BRDT: variants seen among roughly 807,000 people sequenced by gnomAD.
The protein encoded by BRDT is bromodomain testis associated, also known as bromodomain testis-specific protein.
BRDT carries 77 observed loss-of-function variants against 113.9 expected under a neutral mutation model. The ratio of observed to expected loss-of-function variants is 0.68; its 90% confidence interval spans 0.56 to 0.82. BRDT has a LOEUF of 0.82. BRDT is among the 40% of genes least tolerant of loss of function. BRDT has a pLI of 0.00. For synonymous variants in BRDT, 358 were observed against 366.5 expected, an observed-to-expected ratio of 0.98 and a Z score of 0.26; for missense variants, 1,027 against 1,105.4, an observed-to-expected ratio of 0.93 and a Z score of 1.01.
At chr1:92,000,309 A>G (rs1444160509) in intron 15 of BRDT, among the ~76,000 whole-genome samples, 1 of 152,208 alleles carries the variant, frequency 6.6e-6, no homozygotes, top group East Asian at 1.9e-4. Flanking sequence ...TCCTTCCTAA[A>G]TAATCACTGA....
At chr1:91,996,438 G>A (rs759318075) in intron 15 of BRDT, among the ~76,000 whole-genome samples, 2 of 152,018 alleles carry the variant, frequency 1.3e-5, no homozygotes, top group Non-Finnish European at 2.9e-5. Context: ...TTGTAGAGAC[G>A]ATTTCACCAT....
chr1:91,952,777 CAAAAAAAA>C (rs66618367), intron 1 of BRDT, among the ~76,000 whole-genome samples: 15 of 74,878 alleles, frequency 2.0e-4, no homozygotes, highest in African/African-American at 6.0e-4. Context: ...GACCCATCTC[CAAAAAAAA>C]AAAAAAAAAA....
At chr1:91,992,015 A>G (rs1212970157) in intron 13 of BRDT, among the ~76,000 whole-genome samples, 76 of 141,190 alleles carry the variant, frequency 5.4e-4, no homozygotes, top group Non-Finnish European at 1.0e-3. Flanking sequence ...AAAAAAAAAA[A>G]AAAGAAAAGA....
At position 91,960,269 on chromosome 1, in the gene BRDT, A is replaced by G. The variant is rs539014766; in HGVS notation, c.-37-2449A>G. On this transcript the variant is annotated intron_variant, in intron 1 of 18. Coordinates refer to ENST00000399546, the MANE Select transcript of BRDT (RefSeq NM_207189.4). ...CCATGTTCATAGCAGCAGTATTCACAATATAGTCAAGAAGTGGAAGCAACC... is the reference window on the plus strand; with the variant it reads ...CCATGTTCATAGCAGCAGTATTCACGATATAGTCAAGAAGTGGAAGCAACC... Among the ~76,000 whole-genome samples the G allele has an allele frequency of 5.9e-5, 9 of 152,290 alleles. No individual in the cohort carries two copies. In the East Asian group the frequency reaches 1.7e-3, roughly 29 times the overall value.
chr1:92,002,277 A>G (rs1200008330), intron 16 of BRDT, 128 bp downstream of exon 16: 14 of 675,076 alleles, frequency 2.1e-5, no homozygotes, highest in Non-Finnish European at 2.9e-5. Context: ...ATTTTTGCCT[A>G]CGTAATTTTT....
chr1:92,005,251 C>A lies in BRDT; in HGVS notation c.2727C>A (p.Asp909Glu). ...AATCCAAACTCTGGCTTCTCAAAGA[C>A]CGTGATTTAGCAAGGCAGAAAGAAC... ...QDKSKLWLLKDRDLARQKEQE... is the reference protein window; with the variant it reads ...QDKSKLWLLKERDLARQKEQE... The change falls in exon 18 of 19, where the codon GAC (aspartate) becomes GAA (glutamate). Residue 909 changes from aspartate to glutamate, a missense_variant. Asp to Glu is a conservative substitution (Grantham distance 45). Transcript: ENST00000399546. The A allele has an allele frequency of 1.3e-6, 2 of 1,584,796 alleles. No homozygotes were observed. Among genetic ancestry groups the A allele is most frequent in the Non-Finnish European group, 1.7e-6 (2 of 1,168,714 alleles).
At chr1:91,953,111 C>A (rs1173122580) in intron 1 of BRDT, among the ~76,000 whole-genome samples, 11 of 149,456 alleles carry the variant, frequency 7.4e-5, no homozygotes, top group African/African-American at 2.7e-4. Context: ...CTCCCTCCAC[C>A]CCAACATTGT....
intron 13 of BRDT, among the ~76,000 whole-genome samples, chr1:91,991,635 CTTATAATTGCCAGCTATCCATT>C: frequency 6.6e-6 from 1 of 152,106 alleles, no homozygotes; most frequent in Non-Finnish European, 1.5e-5. Flanking sequence ...ACAGATAAAG[CTTATAATTGCCAGCTATCCATT>C]TTGGCACATC....
rs1247262925 is a variant in BRDT at position 91,978,285 on chromosome 1, A to C, written c.1087A>C (p.Arg363=). 1 of 1,614,018 alleles carries C rather than the reference A, an allele frequency of 6.2e-7. No homozygotes were observed. Among genetic ancestry groups the C allele is most frequent in the African/African-American group, 1.3e-5 (1 of 74,954 alleles). ...AGATCACGAAGTTGTGACAATGGCA[A>C]GAATGCTTCAGGTGAGCTGTTACTT... ...PPDHEVVTMA[R]MLQDVFETHF... Residue 363 remains arginine (R), a synonymous_variant, in exon 7 of 19, where the codon AGA becomes CGA. Coordinates refer to ENST00000399546, the MANE Select transcript of BRDT (RefSeq NM_207189.4).
rs1193142695 is a variant in BRDT, at chr1:91,981,047, G to C, written c.1619G>C (p.Arg540Thr). 2 of 1,614,042 alleles carry C rather than the reference G, an allele frequency of 1.2e-6. No individual in the cohort carries two copies. Among genetic ancestry groups the C allele is most frequent in the South Asian group, 1.1e-5 (1 of 91,070 alleles). The change falls in exon 10 of 19, where the codon AGA becomes ACA. Residue 540 changes from arginine (R) to threonine (T), a missense_variant. Arg to Thr is a moderately conservative substitution (Grantham distance 71). Coordinates refer to ENST00000399546, the MANE Select transcript of BRDT (RefSeq NM_207189.4). ...LGRVVHIIQS[R>T]EPSLSNSNPD... ...CGAGTAGTTCACATAATACAATCAA[G>C]AGAGCCTTCTCTGAGCAATTCCAAT...
In BRDT at chr1:92,004,594, C is replaced by G. The variant is rs751771444; in HGVS notation, c.2569C>G (p.Leu857Val). 1 of 1,607,184 alleles carries G rather than the reference C, an allele frequency of 6.2e-7. No homozygotes were observed. The highest frequency in any genetic ancestry group is 1.7e-5 in the Admixed American group (1 of 58,206). ...GCATTTGGAACAAAATACAAAGGAACTAAAAGCATCTCAAGAAAATCAGAG... is the reference window on the plus strand; with the variant it reads ...GCATTTGGAACAAAATACAAAGGAAGTAAAAGCATCTCAAGAAAATCAGAG... ...RKHLEQNTKE[L>V]KASQENQRDL... Residue 857 changes from leucine to valine, a missense_variant, in exon 17 of 19, where the codon CTA becomes GTA. Physicochemically the swap from Leu to Val is conservative, Grantham distance 32 (BLOSUM62 1). Transcript: ENST00000399546.
intron 4 of BRDT, among the ~76,000 whole-genome samples, chr1:91,971,838 T>G (rs1683656123): frequency 6.6e-6 from 1 of 152,234 alleles, no homozygotes; most frequent in African/African-American, 2.4e-5. Context: ...CCTTCATTTG[T>G]GAACGGATCT....
chr1:91,949,777 T>G (rs1030569692), intron 1 of BRDT, 95 bp downstream of exon 1: 2 of 152,210 alleles, frequency 1.3e-5, no homozygotes, highest in African/African-American at 4.8e-5. Context: ...CCCCTAAATG[T>G]CTGGTTTTTC....
At chr1:91,973,395 T>A (rs1455505637) in intron 4 of BRDT, among the ~76,000 whole-genome samples, 1 of 152,136 alleles carries the variant, frequency 6.6e-6, no homozygotes, top group African/African-American at 2.4e-5. Context: ...TTCACGATAT[T>A]GATTCTTCCT....
chr1:92,004,297 C>T, intron 16 of BRDT, 117 bp from the exon 17 acceptor site: 1 of 626,626 alleles, frequency 1.6e-6, no homozygotes, highest in Non-Finnish European at 2.7e-6. Flanking sequence ...AGTAAAAGTA[C>T]ATGAAGCCCT....
At chr1:91,969,202 A>C (rs1388349014) in intron 4 of BRDT, among the ~76,000 whole-genome samples, 1 of 152,024 alleles carries the variant, frequency 6.6e-6, no homozygotes, top group Non-Finnish European at 1.5e-5. Context: ...GGCCTCCCAA[A>C]GTGCTGGGAT....
At chr1:91,970,840 T>C (rs917585253) in intron 4 of BRDT, among the ~76,000 whole-genome samples, 1 of 148,246 alleles carries the variant, frequency 6.7e-6, no homozygotes, top group Non-Finnish European at 1.5e-5. Context: ...ACCCAGTGGG[T>C]TGAAGGTGCA....
At chr1:91,951,116 A>G (rs1175301866) in intron 1 of BRDT, among the ~76,000 whole-genome samples, 1 of 152,122 alleles carries the variant, frequency 6.6e-6, no homozygotes, top group African/African-American at 2.4e-5. Context: ...AACTGACCTC[A>G]AGCGATTCTT....
At chr1:91,972,221 TTA>T (rs1683701876) in intron 4 of BRDT, among the ~76,000 whole-genome samples, 1 of 152,204 alleles carries the variant, frequency 6.6e-6, no homozygotes, top group Non-Finnish European at 1.5e-5. Flanking sequence ...TAAAATGCTT[TTA>T]TTTCTTCATG....
Sources: gnomAD v4.1 joint callset for allele counts (sites outside exome capture counted in the v4.1 genomes callset) on GRCh38, gnomAD v4.1.1 for gene constraint, MANE v1.5 for transcripts, NCBI Gene and HGNC (gene_info 2026-07-23, HGNC 2026-07-21) for gene names.